Variants in PTPRD observed in about 807,000 individuals in gnomAD.
PTPRD encodes receptor-type tyrosine-protein phosphatase delta.
Under a neutral mutation model 214.5 loss-of-function variants are expected in PTPRD, and 34 were observed. The ratio of observed to expected loss-of-function variants is 0.16; its 90% CI spans 0.12 to 0.21. The LOEUF is 0.21. PTPRD is among the 10% of genes least tolerant of loss of function. PTPRD has a pLI of 1.00. For synonymous variants in PTPRD, 1,128 were observed against 845.7 expected (o/e 1.33, Z -5.79); for missense variants, 2,545 against 2,398.7 (o/e 1.06, Z -1.27).
chr9:9,138,251 A>C (rs2099854114), intron 10 of PTPRD, among the ~76,000 whole-genome samples: 1 of 152,104 alleles, frequency 6.6e-6, no homozygotes, highest in African/African-American at 2.4e-5. Flanking sequence ...CAGTATCTGC[A>C]TCAGCTTTAT....
In PTPRD at chr9:8,899,041, C is replaced by T. The variant is rs1001501667; in HGVS notation, c.-104+119656G>A. Among the ~76,000 whole-genome samples, 8 of 152,170 alleles carry T rather than the reference C, an allele frequency of 5.3e-5. No homozygotes were observed. The East Asian group carries it at 1.5e-3, about 29-fold the overall frequency. ...TGGATTATCTGCATCAGTGATCCAC[C>T]TATCAAATGTCTCCCTTCATAAATT... On this transcript the variant is annotated intron_variant, in intron 11 of 45. Coordinates refer to ENST00000381196, the MANE Select transcript of PTPRD (RefSeq NM_002839.4).
intron 35 of PTPRD, among the ~76,000 whole-genome samples, chr9:8,423,096 T>C (rs2094461906): frequency 6.6e-6 from 1 of 152,130 alleles, no homozygotes; most frequent in Non-Finnish European, 1.5e-5. Context: ...CATCAGAATC[T>C]GAACGTTATT....
At chr9:10,188,253 G>A (rs564631603) in intron 3 of PTPRD, among the ~76,000 whole-genome samples, 7 of 152,144 alleles carry the variant, frequency 4.6e-5, no homozygotes, top group African/African-American at 1.7e-4. Flanking sequence ...CACTGTAATT[G>A]ATTAATTGGA....
intron 10 of PTPRD, among the ~76,000 whole-genome samples, chr9:9,033,130 C>A (rs2099610900): frequency 6.6e-6 from 1 of 152,106 alleles, no homozygotes; most frequent in African/African-American, 2.4e-5. Context: ...CTCCCTTGAC[C>A]TTCTTTTCTC....
At chr9:8,617,329 TCTGAGAGGCAG>T (rs1029479545) in intron 14 of PTPRD, among the ~76,000 whole-genome samples, 3 of 152,124 alleles carry the variant, frequency 2.0e-5, no homozygotes, top group Non-Finnish European at 4.4e-5. Context: ...CATATTATGA[TCTGAGAGGCAG>T]CTGAGATTTG....
chr9:9,761,750 C>T lies in PTPRD; in HGVS notation c.-326+5060G>A, dbSNP rs910460905. Among the ~76,000 whole-genome samples, 3 of 151,684 alleles carry T rather than the reference C, an allele frequency of 2.0e-5. No individual in the cohort carries two copies. The East Asian group carries it at 5.8e-4, about 29-fold the overall frequency. On this transcript the variant is annotated intron_variant, in intron 6 of 45. Transcript: ENST00000381196. Reference sequence around the variant, plus strand: ...TCGATGAAATTAAAAAAAAACTATTCATTATCATTCCATCAAATTGTCTCC... The same window carrying T: ...TCGATGAAATTAAAAAAAAACTATTTATTATCATTCCATCAAATTGTCTCC...
intron 7 of PTPRD, among the ~76,000 whole-genome samples, chr9:9,594,430 A>G (rs1239027501): frequency 6.6e-6 from 1 of 152,002 alleles, no homozygotes; most frequent in Non-Finnish European, 1.5e-5. Context: ...TCCTTGATGA[A>G]TCTTGAGTTG....
chr9:8,641,377 G>C (rs937782304), intron 12 of PTPRD, among the ~76,000 whole-genome samples: 3 of 148,404 alleles, frequency 2.0e-5, no homozygotes, highest in Non-Finnish European at 2.9e-5. Flanking sequence ...CCATTATTTA[G>C]AGAGGCATCC....
chr9:9,306,281 C>T (rs369043531), intron 9 of PTPRD, among the ~76,000 whole-genome samples: 4 of 151,798 alleles, frequency 2.6e-5, no homozygotes, highest in Admixed American at 6.6e-5. Flanking sequence ...CATGTTTTCT[C>T]GGCTGGGCGC....
chr9:9,000,672 C>G (rs1450408791), intron 11 of PTPRD, among the ~76,000 whole-genome samples: 1 of 151,974 alleles, frequency 6.6e-6, no homozygotes, highest in African/African-American at 2.4e-5. Context: ...TTGATGAATT[C>G]TACCTTAGAT....
chr9:8,936,298 C>G (rs1019526144), intron 11 of PTPRD: 1 of 146,346 alleles, frequency 6.8e-6, no homozygotes, highest in African/African-American at 2.5e-5. Flanking sequence ...GTAGTTCCAG[C>G]TCCTGGGGGT....
intron 9 of PTPRD, among the ~76,000 whole-genome samples, chr9:9,385,001 A>G (rs2063461217): frequency 6.6e-6 from 1 of 152,102 alleles, no homozygotes; most frequent in African/African-American, 2.4e-5. Context: ...CAAACTTTGA[A>G]GTATTTATAT....
chr9:10,088,454 T>G (rs2098384784), intron 3 of PTPRD, among the ~76,000 whole-genome samples: 1 of 151,754 alleles, frequency 6.6e-6, no homozygotes, highest in Non-Finnish European at 1.5e-5. Context: ...GTTAGGATCC[T>G]CTTAGAAAAT....
At chr9:9,067,657 A>ATGT (rs2099736977) in intron 10 of PTPRD, among the ~76,000 whole-genome samples, 1 of 152,180 alleles carries the variant, frequency 6.6e-6, no homozygotes, top group African/African-American at 2.4e-5. Flanking sequence ...TTTTGTTATA[A>ATGT]TATAGATTTG....
intron 8 of PTPRD, among the ~76,000 whole-genome samples, chr9:9,419,602 T>C (rs1036782491): frequency 5.9e-5 from 9 of 151,778 alleles, no homozygotes; most frequent in Admixed American, 1.3e-4. Context: ...AGAAGCAGTA[T>C]ATCATCCTTT....
intron 11 of PTPRD, among the ~76,000 whole-genome samples, chr9:8,936,890 AAAT>A (rs1317112942): frequency 2.0e-5 from 3 of 152,180 alleles, no homozygotes; most frequent in African/African-American, 7.2e-5. Context: ...TGCAATAGAA[AAAT>A]AATAATATTA....
intron 11 of PTPRD, among the ~76,000 whole-genome samples, chr9:8,978,605 C>T (rs1235113623): frequency 6.6e-6 from 1 of 152,058 alleles, no homozygotes; most frequent in Admixed American, 6.6e-5. Flanking sequence ...GTAAGGGTTT[C>T]GTGGATGCAG....
chr9:10,168,757 A>T (rs2099176551), intron 3 of PTPRD, among the ~76,000 whole-genome samples: 1 of 152,236 alleles, frequency 6.6e-6, no homozygotes, highest in Non-Finnish European at 1.5e-5. Flanking sequence ...TGAGTATCAG[A>T]CAAAAGTAAA....
intron 11 of PTPRD, among the ~76,000 whole-genome samples, chr9:8,956,810 T>C (rs1468179437): frequency 6.6e-6 from 1 of 151,850 alleles, no homozygotes; most frequent in African/African-American, 2.4e-5. Context: ...CCATCATCTA[T>C]CTCAGTGAAT....
Sources: gnomAD v4.1 joint callset for allele counts (sites outside exome capture counted in the v4.1 genomes callset) on GRCh38, gnomAD v4.1.1 for gene constraint, MANE v1.5 for transcripts, NCBI Gene and HGNC (gene_info 2026-07-23, HGNC 2026-07-21) for gene names.